The following PCDH15 variants were observed in gnomAD, a reference collection of about 807,000 sequenced individuals.
PCDH15 encodes protocadherin related 15, also known as protocadherin-15.
A neutral mutation model predicts 178.5 loss-of-function variants in PCDH15; 129 were observed. The observed-to-expected ratio is 0.72, with a 90% confidence interval of 0.63 to 0.84. The LOEUF is 0.84. Among genes scored for constraint, PCDH15 ranks in the 40% least tolerant of loss-of-function variants. The probability of loss-of-function intolerance (pLI) is 0.00; values close to 1 mark genes in which losing one functional copy is unlikely to be tolerated. For missense variants in PCDH15, 2,230 were observed against 2,099.9 expected, an observed-to-expected ratio of 1.06 and a Z score of -1.21; for synonymous variants, 800 against 732.0, an observed-to-expected ratio of 1.09 and a Z score of -1.50.
Position 53,811,566 on chromosome 10 carries a change from A to G in PCDH15, c.4545T>C (p.Tyr1515=). 2 of 1,571,714 alleles carry G rather than the reference A, an allele frequency of 1.3e-6. No individual in the cohort carries two copies. The highest frequency in any genetic ancestry group is 1.7e-6 in the Non-Finnish European group (2 of 1,158,174). The change falls in exon 36 of 38, where the codon TAT becomes TAC. Residue 1515 remains tyrosine (Y), a synonymous_variant. Transcript: ENST00000644397. ...AGATGTACCCATGCTCATAACTGTA[A>G]TAATCTTGTCCATATTCCTGGCCAG... is the stretch of plus-strand genomic sequence containing the variant. ...IDPGQEYGQD[Y]YSYEHGYEMP...
intron 2 of PCDH15, among the ~76,000 whole-genome samples, chr10:55,542,452 ATTT>A (rs1223103583): frequency 6.6e-6 from 1 of 150,914 alleles, no homozygotes; most frequent in Non-Finnish European, 1.5e-5. Context: ...TAATATATGT[ATTT>A]AATACGTATT....
At chr10:54,757,798 T>C (rs973537848) in intron 1 of PCDH15, among the ~76,000 whole-genome samples, 2 of 151,880 alleles carry the variant, frequency 1.3e-5, no homozygotes, top group Non-Finnish European at 2.9e-5. Flanking sequence ...TTAGGTTGAG[T>C]TGTCAGCAGC....
intron 2 of PCDH15, among the ~76,000 whole-genome samples, chr10:54,584,767 G>A (rs1370252370): frequency 2.0e-5 from 3 of 151,968 alleles, no homozygotes; most frequent in Admixed American, 2.0e-4. Context: ...TTCTTGGCTG[G>A]ACCACTGAAA....
intron 1 of PCDH15, among the ~76,000 whole-genome samples, chr10:55,262,367 T>C (rs759970350): frequency 2.6e-5 from 4 of 152,150 alleles, no homozygotes; most frequent in Admixed American, 2.0e-4. Context: ...TCTGTTTTTG[T>C]GCCTAAATGT....
intron 1 of PCDH15, among the ~76,000 whole-genome samples, chr10:54,794,785 A>G (rs1177633186): frequency 5.9e-5 from 9 of 151,908 alleles, no homozygotes; most frequent in African/African-American, 1.4e-4. Flanking sequence ...TCAACAACAC[A>G]TCAAAGAAAG....
intron 16 of PCDH15, among the ~76,000 whole-genome samples, chr10:54,082,259 G>A (rs1450524737): frequency 6.6e-6 from 1 of 152,146 alleles, no homozygotes; most frequent in Non-Finnish European, 1.5e-5. Context: ...AAAGCAGTGG[G>A]CATTCCTCAG....
chr10:54,725,551 A>ATT (rs1491254986), intron 1 of PCDH15, among the ~76,000 whole-genome samples: 4 of 86,948 alleles, frequency 4.6e-5, no homozygotes, highest in Admixed American at 1.2e-4. Context: ...TATATATATA[A>ATT]TTATATATAT....
intron 6 of PCDH15, among the ~76,000 whole-genome samples, chr10:54,337,766 C>T (rs1202938104): frequency 1.3e-5 from 2 of 152,120 alleles, no homozygotes; most frequent in African/African-American, 2.4e-5. Context: ...GTGTATAGAA[C>T]AGTCATGACT....
chr10:55,471,888 A>AGG (rs1235537391), intron 2 of PCDH15, among the ~76,000 whole-genome samples: 2 of 152,142 alleles, frequency 1.3e-5, no homozygotes, highest in Non-Finnish European at 2.9e-5. Flanking sequence ...GATCTTGCCC[A>AGG]TTTCAAATGA....
At chr10:55,362,014 G>A (rs547549274) in intron 2 of PCDH15, among the ~76,000 whole-genome samples, 5 of 152,138 alleles carry the variant, frequency 3.3e-5, no homozygotes, top group African/African-American at 1.2e-4. Flanking sequence ...TATATAAACA[G>A]CGGCACAGTC....
chr10:55,545,019 T>A (rs1440602374), intron 2 of PCDH15, among the ~76,000 whole-genome samples: 1 of 152,138 alleles, frequency 6.6e-6, no homozygotes, highest in Non-Finnish European at 1.5e-5. Flanking sequence ...GGTAGTATAC[T>A]TTTTTAAAGT....
upstream of PCDH15, among the ~76,000 whole-genome samples, chr10:54,804,558 C>CA (rs959846120): frequency 6.4e-4 from 96 of 148,848 alleles, no homozygotes; most frequent in East Asian, 1.4e-3. Flanking sequence ...CCTCCCCTTC[C>CA]AAAAAAAAAG....
chr10:55,060,219 A>G (rs1211147886), intron 2 of PCDH15, among the ~76,000 whole-genome samples: 2 of 152,058 alleles, frequency 1.3e-5, no homozygotes, highest in Non-Finnish European at 2.9e-5. Flanking sequence ...GATCTGGGCA[A>G]GGAGGGTTAA....
At chr10:54,577,169 GC>G (rs1329635343) in intron 2 of PCDH15, among the ~76,000 whole-genome samples, 1 of 151,544 alleles carries the variant, frequency 6.6e-6, no homozygotes, top group Non-Finnish European at 1.5e-5. Context: ...TGCAACCTCT[GC>G]CTACTGGGTT....
chr10:55,617,760 T>C (rs1843508667), intron 2 of PCDH15, among the ~76,000 whole-genome samples: 1 of 152,048 alleles, frequency 6.6e-6, no homozygotes, highest in Non-Finnish European at 1.5e-5. Flanking sequence ...TTACATTACA[T>C]CCTTCAGTTC....
chr10:55,340,967 A>G (rs1488739776), intron 2 of PCDH15, among the ~76,000 whole-genome samples: 2 of 152,004 alleles, frequency 1.3e-5, no homozygotes, highest in African/African-American at 2.4e-5. Flanking sequence ...CAAAATTTAC[A>G]CAATTTGAAA....
intron 2 of PCDH15, among the ~76,000 whole-genome samples, chr10:55,375,175 C>T (rs1487884461): frequency 6.6e-6 from 1 of 152,086 alleles, no homozygotes; most frequent in African/African-American, 2.4e-5. Flanking sequence ...GTACTAAGGG[C>T]TAATACTTTT....
intron 8 of PCDH15, among the ~76,000 whole-genome samples, chr10:54,244,302 T>G (rs1181372161): frequency 2.0e-5 from 3 of 152,182 alleles, no homozygotes; most frequent in African/African-American, 4.8e-5. Flanking sequence ...CTTCCCTTAT[T>G]TTCAAAATAC....
At chr10:55,235,919 AAAAAAAAAAAAAAG>A (rs1451705642) in intron 1 of PCDH15, among the ~76,000 whole-genome samples, 2 of 46,620 alleles carry the variant, frequency 4.3e-5, no homozygotes, top group African/African-American at 8.5e-5. Flanking sequence ...AAAAAAAAAA[AAAAAAAAAAAAAAG>A]AATCTCCTTC....
Sources: gnomAD v4.1 joint callset for allele counts (sites outside exome capture counted in the v4.1 genomes callset) on GRCh38, gnomAD v4.1.1 for gene constraint, MANE v1.5 for transcripts, NCBI Gene and HGNC (gene_info 2026-07-23, HGNC 2026-07-21) for gene names.